DRC7: variants seen among roughly 807,000 people sequenced by gnomAD.
The protein encoded by DRC7 is dynein regulatory complex subunit 7.
In DRC7, 80 loss-of-function variants were observed where a neutral mutation model predicts 104.4. That is an observed-to-expected ratio of 0.77 (90% CI 0.64 to 0.92). The LOEUF is 0.92. DRC7 is among the 40% of genes least tolerant of loss of function. The pLI, the probability that DRC7 is intolerant of heterozygous loss-of-function variation, is 0.00. For missense variants in DRC7, 1,034 were observed against 1,141.1 expected (o/e 0.91, Z 1.35); for synonymous variants, 405 against 447.3 (o/e 0.91, Z 1.19).
At chr16:57,724,572 T>C (rs1388103143) in intron 12 of DRC7, 43 bp from the exon 13 acceptor site, 2 of 1,445,458 alleles carry the variant, frequency 1.4e-6, no homozygotes, top group South Asian at 1.3e-5. Context: ...TACTTCCTAG[T>C]GCTTATGAAG....
intron 16 of DRC7, 132 bp from the exon 17 acceptor site, chr16:57,728,258 C>T (rs193241226): frequency 3.5e-5 from 27 of 776,390 alleles, no homozygotes; most frequent in Non-Finnish European, 4.4e-5. Context: ...TTCTAAGGCC[C>T]ATCTTGGAGG....
chr16:57,701,735 C>G (rs1219047903), intron 5 of DRC7: 3 of 568,204 alleles, frequency 5.3e-6, no homozygotes, highest in Non-Finnish European at 9.4e-6. Context: ...AAATGACAGG[C>G]AAATGTGAAT....
chr16:57,705,121 A>G, intron 7 of DRC7, 87 bp downstream of exon 7: 4 of 1,432,040 alleles, frequency 2.8e-6, no homozygotes, highest in Non-Finnish European at 3.7e-6. Flanking sequence ...CATGGAGGGG[A>G]TGTGTGTATG....
chr16:57,697,987 A>G lies in DRC7; in HGVS notation c.38A>G (p.Glu13Gly). 1 of 1,613,334 alleles carries G rather than the reference A, an allele frequency of 6.2e-7. No individual in the cohort carries two copies. Among genetic ancestry groups the G allele is most frequent in the Admixed American group, 1.7e-5 (1 of 60,004 alleles). Residue 13 changes from glutamate to glycine, a missense_variant, in exon 3 of 19, where the codon GAG (glutamate) becomes GGG (glycine). Physicochemically the swap from Glu to Gly is moderately conservative, Grantham distance 98. Transcript: ENST00000360716. ...VLREKVEEEE[E>G]AEREEAAEWA... Reference sequence around the variant, plus strand: ...AGGGAGAAGGTGGAGGAGGAGGAGGAGGCCGAGCGGGAGGAGGCGGCCGAG... The same window carrying G: ...AGGGAGAAGGTGGAGGAGGAGGAGGGGGCCGAGCGGGAGGAGGCGGCCGAG...
chr16:57,699,912 CATG>C (rs1466686211), intron 4 of DRC7, among the ~76,000 whole-genome samples: 1 of 152,198 alleles, frequency 6.6e-6, no homozygotes, highest in Non-Finnish European at 1.5e-5. Flanking sequence ...GTGCTGGCAA[CATG>C]ATAAGGGCCT....
chr16:57,698,305 G>A (rs916156813), intron 3 of DRC7, among the ~76,000 whole-genome samples, 153 bp downstream of exon 3: 2 of 152,066 alleles, frequency 1.3e-5, no homozygotes, highest in East Asian at 3.9e-4. Context: ...AATGGCCTGG[G>A]CCGAGTGTCC....
At chr16:57,720,733 C>A (rs1263367865) in intron 9 of DRC7, among the ~76,000 whole-genome samples, 2 of 152,206 alleles carry the variant, frequency 1.3e-5, no homozygotes, top group East Asian at 3.8e-4. Context: ...TTTTTGTCCC[C>A]TGCAAAATGT....
At chr16:57,727,115 C>T in intron 15 of DRC7, 173 bp downstream of exon 15, 1 of 649,048 alleles carries the variant, frequency 1.5e-6, no homozygotes, top group Admixed American at 2.7e-5. Flanking sequence ...CGCACACCAC[C>T]ATGCCTGGCT....
In DRC7 at chr16:57,705,411, A is replaced by G. The variant is rs546993395; in HGVS notation, c.858+377A>G. Among the ~76,000 whole-genome samples, 21 of 144,626 alleles carry G rather than the reference A, an allele frequency of 1.5e-4. No homozygotes were observed. In the East Asian group the frequency reaches 3.8e-3, roughly 26 times the overall value. The allele number at this position is 144,626 out of a possible 152,430, so 94.9% of individuals were successfully genotyped here. The stretch of plus-strand genomic sequence containing the variant: ...CTCCCATCCATCCTCCCATTCGCCA[A>G]TCCATCCATCCATCCATCCTCCCAT... On this transcript the variant is annotated intron_variant, in intron 7 of 18. Coordinates refer to ENST00000360716, the MANE Select transcript of DRC7 (RefSeq NM_001289162.2).
chr16:57,701,125 G>T (rs2048653842), intron 5 of DRC7, among the ~76,000 whole-genome samples: 1 of 152,148 alleles, frequency 6.6e-6, no homozygotes, highest in Non-Finnish European at 1.5e-5. Flanking sequence ...GAAGGAGAAG[G>T]CTGACAAACA....
rs558406596 is a variant in DRC7 at position 57,707,435 on chromosome 16, G to A, written c.859-25G>A. On this transcript the variant is annotated intron_variant, in intron 7 of 18. Coordinates refer to ENST00000360716, the MANE Select transcript of DRC7 (RefSeq NM_001289162.2). ...CACTCCTCTTCCAGCCATCTGACTC[G>A]TAGTCACCCACCTTTCCTTGGCAGG... 41 of 1,599,968 alleles carry A rather than the reference G, an allele frequency of 2.6e-5. No homozygotes were observed. The South Asian group carries it at 2.8e-4, about 11-fold the overall frequency.
intron 7 of DRC7, among the ~76,000 whole-genome samples, chr16:57,705,532 C>G (rs2048704717): frequency 6.7e-6 from 1 of 148,410 alleles, no homozygotes; most frequent in African/African-American, 2.5e-5. Flanking sequence ...ATCCTCCCAT[C>G]CACCCATCCT....
At position 57,731,308 on chromosome 16, in the gene DRC7, C is replaced by T; in HGVS notation, c.*50C>T. On this transcript the variant is annotated 3_prime_UTR_variant, in exon 19 of 19. Transcript: ENST00000360716. Reference sequence around the variant, plus strand: ...AGCTGCCAGAGAAAGGAAACCTCTTCCCGCAGCCTGGCTCCTGTGTTCCCT... The same window carrying T: ...AGCTGCCAGAGAAAGGAAACCTCTTTCCGCAGCCTGGCTCCTGTGTTCCCT... The T allele has an allele frequency of 6.9e-7, 1 of 1,459,022 alleles. No homozygotes were observed. The highest frequency in any genetic ancestry group is 1.1e-5 in the South Asian group (1 of 87,212). The allele number at this position is 1,459,022 out of a possible 1,614,324, so 90.4% of individuals were successfully genotyped here. A position where few individuals can be genotyped will look rare whatever the true frequency, so the allele number is the denominator to read the frequency against.
rs765712594 is a variant in DRC7 at position 57,724,681 on chromosome 16, T to G, written c.1604T>G (p.Val535Gly). 1.2e-5 allele frequency: 20 copies of G among 1,613,944 alleles called. 1 individual carries two copies. In the South Asian group the frequency reaches 2.2e-4, roughly 18 times the overall value. The change falls in exon 13 of 19, where the codon GTG (valine) becomes GGG (glycine). Residue 535 changes from valine to glycine, a missense_variant. Transcript: ENST00000360716. The stretch of plus-strand genomic sequence containing the variant: ...ATTGAGTTTTATGAAACGGCCCGTG[T>G]GGATGGCCTGATGAAGCGGGAGGAG... Reference protein sequence around the residue: ...RVIEFYETARVDGLMKREETP... With the variant: ...RVIEFYETARGDGLMKREETP...
chr16:57,721,693 C>CGACAT lies in DRC7; in HGVS notation c.1235_1239dup (p.Pro414ThrfsTer27). On this transcript the variant is annotated frameshift_variant, in exon 10 of 19. Coordinates refer to ENST00000360716, the MANE Select transcript of DRC7 (RefSeq NM_001289162.2). LOFTEE classifies it high-confidence loss of function. ...GCAAGGAGGATGAGGATAAGAGCTT[C>CGACAT]GACATGCCCCACTCGTGGGTGGAGC... is the stretch of plus-strand genomic sequence containing the variant. 1 of 1,613,978 alleles carries CGACAT rather than the reference C, an allele frequency of 6.2e-7. No homozygotes were observed. Among genetic ancestry groups the CGACAT allele is most frequent in the Admixed American group, 1.7e-5 (1 of 60,014 alleles).
intron 15 of DRC7, 82 bp from the exon 16 acceptor site, chr16:57,727,217 C>T: frequency 1.8e-6 from 2 of 1,135,206 alleles, no homozygotes; most frequent in Non-Finnish European, 1.3e-6. Flanking sequence ...GCAATCTGCC[C>T]TCCTTGGCTT....
intron 2 of DRC7, 43 bp from the exon 3 acceptor site, chr16:57,697,869 TG>T: frequency 6.5e-7 from 1 of 1,542,724 alleles, no homozygotes. Flanking sequence ...GGCTCCTGCC[TG>T]GGCTGACAGT....
chr16:57,702,669 C>T (rs1226805267), intron 6 of DRC7, among the ~76,000 whole-genome samples: 1 of 152,106 alleles, frequency 6.6e-6, no homozygotes, highest in African/African-American at 2.4e-5. Flanking sequence ...CGCATGGTGG[C>T]ATGTGCCTGT....
intron 8 of DRC7, among the ~76,000 whole-genome samples, chr16:57,711,429 G>A (rs1321514062): frequency 6.6e-6 from 1 of 152,230 alleles, no homozygotes; most frequent in Non-Finnish European, 1.5e-5. Flanking sequence ...TTGCCAGTGA[G>A]GATTCGTGGC....
Sources: allele counts gnomAD v4.1 joint callset (sites outside exome capture counted in the v4.1 genomes callset), GRCh38; gene constraint gnomAD v4.1.1; transcripts MANE v1.5; gene names NCBI Gene and HGNC (gene_info 2026-07-23, HGNC 2026-07-21).